Variants in ACTR3B observed in about 807,000 individuals in gnomAD.
The protein encoded by ACTR3B is actin related protein 3B.
In ACTR3B, 8 loss-of-function variants were observed where a neutral mutation model predicts 59.0. The observed-to-expected ratio is 0.14, with a 90% CI of 0.08 to 0.24. The LOEUF (loss-of-function observed/expected upper bound fraction) is 0.24. Among genes scored for constraint, ACTR3B ranks in the 10% least tolerant of loss-of-function variants. The pLI is 1.00. For synonymous variants in ACTR3B, 148 were observed against 197.9 expected (o/e 0.75, Z 2.12); for missense variants, 245 against 552.3 (o/e 0.44, Z 5.58).
At chr7:152,809,666 C>T (rs1415747214) in intron 4 of ACTR3B, among the ~76,000 whole-genome samples, 2 of 152,062 alleles carry the variant, frequency 1.3e-5, no homozygotes, top group African/African-American at 4.8e-5. Context: ...CTCAAGCCTC[C>T]TGAGTAGCTA....
chr7:152,760,606 T>C (rs2098086562), intron 1 of ACTR3B, among the ~76,000 whole-genome samples: 1 of 152,222 alleles, frequency 6.6e-6, no homozygotes, highest in Non-Finnish European at 1.5e-5. Flanking sequence ...AAATGATGTG[T>C]TTAAAAAGAC....
At chr7:152,848,667 T>G (rs553273958) in intron 9 of ACTR3B, among the ~76,000 whole-genome samples, 72 of 152,296 alleles carry the variant, frequency 4.7e-4, no homozygotes, top group Admixed American at 1.4e-3. Flanking sequence ...TGAGGCTTAT[T>G]CTAAGATGAG....
chr7:152,806,672 A>AAGTCTACTACTTG (rs200576579), intron 4 of ACTR3B, among the ~76,000 whole-genome samples: 3,237 of 152,214 alleles, frequency 0.021, 107 homozygotes, highest in African/African-American at 0.069. Flanking sequence ...GGCAGGAGGC[A>AAGTCTACTACTTG]AGTCTACTAC....
intron 1 of ACTR3B, among the ~76,000 whole-genome samples, chr7:152,774,244 C>T (rs111668112): frequency 0.015 from 2,334 of 152,344 alleles, 41 homozygotes; most frequent in African/African-American, 0.037. Flanking sequence ...TCAAGCGATT[C>T]TGCTGTCTCA....
In ACTR3B at chr7:152,823,507, C is replaced by G; in HGVS notation, c.850C>G (p.His284Asp). 3 of 1,614,074 alleles carry G rather than the reference C, an allele frequency of 1.9e-6. No individual in the cohort carries two copies. Among genetic ancestry groups the G allele is most frequent in the Non-Finnish European group, 2.5e-6 (3 of 1,179,986 alleles). Residue 284 changes from histidine to aspartate, a missense_variant, in exon 8 of 12, where the codon CAC becomes GAC. His to Asp is a moderately conservative substitution (Grantham distance 81). Coordinates refer to ENST00000256001, the MANE Select transcript of ACTR3B (RefSeq NM_020445.6). ...ERFLGPEIFF[H>D]PEFANPDFME... ...ATTCCTGGGACCTGAAATATTCTTTCACCCGGAGGTGAGATGTTTCCTTTT... is the reference window on the plus strand; with the variant it reads ...ATTCCTGGGACCTGAAATATTCTTTGACCCGGAGGTGAGATGTTTCCTTTT...
chr7:152,804,513 T>C (rs2116757428), intron 4 of ACTR3B, among the ~76,000 whole-genome samples: 1 of 152,208 alleles, frequency 6.6e-6, no homozygotes, highest in Non-Finnish European at 1.5e-5. Context: ...GGCAGACACC[T>C]CTGGCACACA....
intron 4 of ACTR3B, among the ~76,000 whole-genome samples, chr7:152,809,938 A>T (rs1394716179): frequency 4.6e-5 from 7 of 151,870 alleles, no homozygotes; most frequent in African/African-American, 1.2e-4. Flanking sequence ...TTTAAATTGT[A>T]AAAAAAACCC....
intron 11 of ACTR3B, among the ~76,000 whole-genome samples, chr7:152,853,885 T>C (rs1478119015): frequency 6.6e-6 from 1 of 151,614 alleles, no homozygotes; most frequent in Non-Finnish European, 1.5e-5. Flanking sequence ...CCCGGCTCAT[T>C]TTTTTTTGTT....
At chr7:152,831,359 AGGGCTGTGCT>A (rs139191268) in intron 9 of ACTR3B, among the ~76,000 whole-genome samples, 1,631 of 152,276 alleles carry the variant, frequency 0.011, 29 homozygotes, top group African/African-American at 0.037. Flanking sequence ...AGGGCATGTC[AGGGCTGTGCT>A]GGGAGAGCCG....
In ACTR3B at chr7:152,823,403, C is replaced by T. The variant is rs1796334364; in HGVS notation, c.746C>T (p.Pro249Leu). 6.2e-7 allele frequency: 1 copy of T among 1,614,026 alleles called. No individual in the cohort carries two copies. The highest frequency in any genetic ancestry group is 1.1e-5 in the South Asian group (1 of 91,090). ...GAATTTGCCAAGTATGATGTGGATC[C>T]CCGGAAGTGGATCAAACAGTACACG... ...VKEFAKYDVD[P>L]RKWIKQYTGI... The change falls in exon 8 of 12, where the codon CCC becomes CTC. Residue 249 changes from proline (P) to leucine (L), a missense_variant. Physicochemically the swap from Pro to Leu is moderately conservative, Grantham distance 98. This residue lies in a region of ACTR3B where 153 missense variants were observed against 266.2 expected (regional missense o/e 0.57). Transcript: ENST00000256001.
chr7:152,775,645 G>GCCTC (rs976028435), intron 1 of ACTR3B, among the ~76,000 whole-genome samples: 5 of 152,140 alleles, frequency 3.3e-5, no homozygotes, highest in Admixed American at 2.0e-4. Flanking sequence ...TGTGGTCCCA[G>GCCTC]CTACTCAGGA....
chr7:152,813,446 T>A (rs1204410829), intron 4 of ACTR3B: 2 of 152,280 alleles, frequency 1.3e-5, no homozygotes, highest in Non-Finnish European at 2.9e-5. Context: ...GGTTATTGTT[T>A]TAAAATAGAT....
At chr7:152,783,748 C>T (rs2098162422) in intron 2 of ACTR3B, among the ~76,000 whole-genome samples, 1 of 151,962 alleles carries the variant, frequency 6.6e-6, no homozygotes, top group Non-Finnish European at 1.5e-5. Context: ...GTTCTACTCA[C>T]TCTTTATTTC....
Position 152,791,271 on chromosome 7 carries a change from A to G in ACTR3B, c.100+8029A>G, listed in dbSNP as rs1590264348. ...AGCTGTCCACCTGCCTCAGTCTGTC[A>G]AAGTGATTAGAGGCGTGAGCCGCTG... On this transcript the variant is annotated intron_variant, in intron 2 of 11. Transcript: ENST00000256001. Among the ~76,000 whole-genome samples the G allele has an allele frequency of 3.3e-5, 5 of 152,286 alleles. No individual in the cohort carries two copies. In the South Asian group the frequency reaches 1.0e-3, roughly 32 times the overall value.
chr7:152,782,663 G>A (rs1432400206), intron 1 of ACTR3B, among the ~76,000 whole-genome samples: 5 of 148,962 alleles, frequency 3.4e-5, no homozygotes, highest in African/African-American at 1.2e-4. Flanking sequence ...TCTAACCGCC[G>A]CCCCCCACCC....
Position 152,816,564 on chromosome 7 carries a change from T to C in ACTR3B, c.516T>C (p.Asp172=), listed in dbSNP as rs764061060. 6.3e-6 allele frequency: 10 copies of C among 1,597,092 alleles called. No individual in the cohort carries two copies. The East Asian group carries it at 1.8e-4, about 29-fold the overall frequency. Residue 172 remains aspartate, a synonymous_variant, in exon 6 of 12, where the codon GAT becomes GAC. Coordinates refer to ENST00000256001, the MANE Select transcript of ACTR3B (RefSeq NM_020445.6). ...TLTGIVIDSG[D]GVTHVIPVAE... ...CGGGGATAGTCATTGACAGCGGAGA[T>C]GGAGTCACCCATGTTATCCCAGTGG...
At chr7:152,770,710 C>G (rs1425379400) in intron 1 of ACTR3B, among the ~76,000 whole-genome samples, 4 of 149,642 alleles carry the variant, frequency 2.7e-5, no homozygotes, top group African/African-American at 7.5e-5. Flanking sequence ...CACTGTTCAG[C>G]CAATTCTTCT....
chr7:152,769,163 G>T (rs1048484930), intron 1 of ACTR3B, among the ~76,000 whole-genome samples: 1 of 152,042 alleles, frequency 6.6e-6, no homozygotes, highest in East Asian at 1.9e-4. Flanking sequence ...TCACATTTTT[G>T]TGTGTGTGTG....
chr7:152,774,919 T>C (rs541284948), intron 1 of ACTR3B, among the ~76,000 whole-genome samples: 1 of 152,268 alleles, frequency 6.6e-6, no homozygotes, highest in East Asian at 1.9e-4. Context: ...ATCAAAGCCA[T>C]ATTTAAACTG....
Sources: gnomAD v4.1 joint callset for allele counts (sites outside exome capture counted in the v4.1 genomes callset) on GRCh38, gnomAD v4.1.1 for gene constraint, gnomAD v4.1.1 regional missense constraint, MANE v1.5 for transcripts, NCBI Gene and HGNC (gene_info 2026-07-23, HGNC 2026-07-21) for gene names.